The following CTNNA2 variants were observed in gnomAD, a reference collection of about 807,000 sequenced individuals.
CTNNA2 encodes the protein catenin alpha-2.
Under a neutral mutation model 101.0 loss-of-function variants are expected in CTNNA2, and 42 were observed. The ratio of observed to expected loss-of-function variants is 0.42; its 90% CI spans 0.32 to 0.54. The LOEUF is 0.54. Ranked by LOEUF, CTNNA2 falls within the 20% of genes least tolerant of loss-of-function variation. The pLI, the probability that CTNNA2 is intolerant of heterozygous loss-of-function variation, is 0.14. For missense variants in CTNNA2, 871 were observed against 1,223.1 expected (o/e 0.71, Z 4.29); for synonymous variants, 450 against 456.4 (o/e 0.99, Z 0.18).
chr2:80,461,352 G>A (rs753979174), intron 9 of CTNNA2, among the ~76,000 whole-genome samples: 6 of 151,932 alleles, frequency 3.9e-5, no homozygotes, highest in Non-Finnish European at 5.9e-5. Context: ...ATGTTACCTC[G>A]TAGTAATTTT....
Position 80,555,820 on chromosome 2 carries a change from T to G in CTNNA2, c.1668T>G (p.Ala556=), listed in dbSNP as rs1277344782. Residue 556 remains alanine, a synonymous_variant, in exon 12 of 19, where the codon GCT becomes GCG. Coordinates refer to ENST00000402739, the MANE Select transcript of CTNNA2 (RefSeq NM_001282597.3). ...RAARVIHIIN[A]EMENYEAGVY... is the part of the protein sequence containing the mutation. ...CTCGAGTCATACACATCATCAATGCTGAGATGGAGAACTATGAAGCTGGGG... is the reference window on the plus strand; with the variant it reads ...CTCGAGTCATACACATCATCAATGCGGAGATGGAGAACTATGAAGCTGGGG... The G allele has an allele frequency of 5.0e-6, 8 of 1,596,842 alleles. No individual in the cohort carries two copies. The highest frequency in any genetic ancestry group is 1.3e-5 in the African/African-American group (1 of 74,546).
intron 7 of CTNNA2, among the ~76,000 whole-genome samples, chr2:80,103,297 C>T (rs967253098): frequency 6.6e-6 from 1 of 152,136 alleles, no homozygotes; most frequent in Non-Finnish European, 1.5e-5. Flanking sequence ...CATTTTCTTG[C>T]TATGTCCTCA....
At chr2:80,222,847 C>T (rs887330390) in intron 7 of CTNNA2, among the ~76,000 whole-genome samples, 3 of 152,094 alleles carry the variant, frequency 2.0e-5, no homozygotes, top group African/African-American at 7.2e-5. Flanking sequence ...TATAATATGT[C>T]AGCATTTTTG....
chr2:79,456,990 A>G (rs555341999), intron 4 of CTNNA2, among the ~76,000 whole-genome samples: 1 of 152,152 alleles, frequency 6.6e-6, no homozygotes, highest in Non-Finnish European at 1.5e-5. Flanking sequence ...TCACGAGGTC[A>G]GGAGATCGAG....
chr2:79,753,808 C>G (rs1434549449), intron 3 of CTNNA2, among the ~76,000 whole-genome samples: 1 of 151,074 alleles, frequency 6.6e-6, no homozygotes, highest in Non-Finnish European at 1.5e-5. Flanking sequence ...GACATAACCT[C>G]AAATGTGAAG....
chr2:80,564,999 T>C (rs1424456065), intron 12 of CTNNA2, among the ~76,000 whole-genome samples: 1 of 152,158 alleles, frequency 6.6e-6, no homozygotes, highest in East Asian at 1.9e-4. Context: ...AAAAAAGCAT[T>C]TGAAGACACT....
chr2:80,540,861 A>AT (rs139559968), intron 9 of CTNNA2, among the ~76,000 whole-genome samples: 2,342 of 152,016 alleles, frequency 0.015, 63 homozygotes, highest in African/African-American at 0.053. Flanking sequence ...CACCCTGGCT[A>AT]TTTTTTGTAT....
intron 13 of CTNNA2, among the ~76,000 whole-genome samples, chr2:80,580,140 G>A (rs1039284998): frequency 3.9e-5 from 6 of 152,172 alleles, no homozygotes; most frequent in African/African-American, 1.4e-4. Flanking sequence ...CCTGGAAAAT[G>A]GAGAAAATAA....
At chr2:80,271,578 C>T (rs532863374) in intron 7 of CTNNA2, among the ~76,000 whole-genome samples, 3 of 152,126 alleles carry the variant, frequency 2.0e-5, no homozygotes, top group Non-Finnish European at 2.9e-5. Flanking sequence ...CAAGCCACCA[C>T]GCCAGGCTAA....
intron 7 of CTNNA2, among the ~76,000 whole-genome samples, chr2:80,087,223 C>G (rs10202109): frequency 0.5 from 75,190 of 151,808 alleles, 22,046 homozygotes; most frequent in African/African-American, 0.78. Flanking sequence ...ACAGTTGTGT[C>G]ACTTTCTATG....
intron 7 of CTNNA2, among the ~76,000 whole-genome samples, chr2:80,250,793 C>T (rs1248677510): frequency 6.6e-6 from 1 of 152,072 alleles, no homozygotes; most frequent in East Asian, 1.9e-4. Flanking sequence ...TGACTTTGGG[C>T]AATACTTTAT....
chr2:80,571,088 C>T (rs1269636224), intron 12 of CTNNA2, among the ~76,000 whole-genome samples: 1 of 152,168 alleles, frequency 6.6e-6, no homozygotes, highest in Non-Finnish European at 1.5e-5. Context: ...TTGTCCTCCT[C>T]CCCATCTCTT....
intron 9 of CTNNA2, among the ~76,000 whole-genome samples, chr2:80,519,360 T>C (rs950635942): frequency 6.6e-6 from 1 of 152,172 alleles, no homozygotes. Context: ...GACAAGATCA[T>C]TGGACTGGTA....
At chr2:80,323,720 T>G (rs2149250396) in intron 7 of CTNNA2, among the ~76,000 whole-genome samples, 1 of 152,262 alleles carries the variant, frequency 6.6e-6, no homozygotes, top group South Asian at 2.1e-4. Flanking sequence ...ATATGTATTT[T>G]TAGCACCATG....
chr2:79,931,592 T>G (rs761520579), intron 7 of CTNNA2, among the ~76,000 whole-genome samples: 1 of 152,208 alleles, frequency 6.6e-6, no homozygotes, highest in Non-Finnish European at 1.5e-5. Flanking sequence ...TTTAGAAACT[T>G]TTGTAGTAAT....
chr2:80,151,658 C>T (rs933606766), intron 7 of CTNNA2, among the ~76,000 whole-genome samples: 2 of 152,206 alleles, frequency 1.3e-5, no homozygotes. Context: ...CGTAAGCCCA[C>T]ATAGCCGTGC....
intron 7 of CTNNA2, among the ~76,000 whole-genome samples, chr2:80,353,907 A>C (rs966415948): frequency 6.6e-6 from 1 of 152,176 alleles, no homozygotes; most frequent in African/African-American, 2.4e-5. Flanking sequence ...TAAATATGAA[A>C]AAAATAAAAC....
At chr2:80,077,003 G>A (rs555275638) in intron 7 of CTNNA2, among the ~76,000 whole-genome samples, 2 of 152,154 alleles carry the variant, frequency 1.3e-5, no homozygotes, top group Admixed American at 6.5e-5. Flanking sequence ...CCAAGATCAC[G>A]CCACTGTACT....
At chr2:79,838,240 G>C (rs571612960) in intron 3 of CTNNA2, among the ~76,000 whole-genome samples, 1 of 152,258 alleles carries the variant, frequency 6.6e-6, no homozygotes, top group East Asian at 1.9e-4. Flanking sequence ...AGGATTTAAA[G>C]TGTATTATTT....
Sources: gnomAD v4.1 joint callset for allele counts (sites outside exome capture counted in the v4.1 genomes callset) on GRCh38, gnomAD v4.1.1 for gene constraint, MANE v1.5 for transcripts, NCBI Gene and HGNC (gene_info 2026-07-23, HGNC 2026-07-21) for gene names.